The following FBXW4 variants were observed in gnomAD, a reference collection of about 807,000 sequenced individuals.
FBXW4 encodes the protein F-box and WD repeat domain containing 4, also known as F-box/WD repeat-containing protein 4.
In FBXW4, 40 loss-of-function variants were observed where a neutral mutation model predicts 61.8. That is an observed-to-expected ratio of 0.65 (90% CI 0.50 to 0.84). The LOEUF (loss-of-function observed/expected upper bound fraction) is 0.84. Among genes scored for constraint, FBXW4 ranks in the 40% least tolerant of loss-of-function variants. The probability of loss-of-function intolerance (pLI) is 0.00; values close to 1 mark genes in which losing one functional copy is unlikely to be tolerated. For synonymous variants in FBXW4, 311 were observed against 313.8 expected, an observed-to-expected ratio of 0.99 and a Z score of 0.10; for missense variants, 672 against 753.8, an observed-to-expected ratio of 0.89 and a Z score of 1.27.
intron 6 of FBXW4, among the ~76,000 whole-genome samples, chr10:101,618,471 G>A (rs1371669266): frequency 6.6e-6 from 1 of 152,200 alleles, no homozygotes; most frequent in Non-Finnish European, 1.5e-5. Context: ...TAGGGCATCT[G>A]TTAGGATGGG....
chr10:101,650,117 C>T (rs1487576393), intron 5 of FBXW4, among the ~76,000 whole-genome samples: 2 of 152,178 alleles, frequency 1.3e-5, no homozygotes, highest in African/African-American at 4.8e-5. Context: ...TCCCCAAGCT[C>T]CTGGCACAAG....
At chr10:101,612,593 C>T in intron 6 of FBXW4, 116 bp from the exon 7 acceptor site, 1 of 1,208,792 alleles carries the variant, frequency 8.3e-7, no homozygotes, top group Non-Finnish European at 1.1e-6. Context: ...TAGAATGAGA[C>T]TCAAGGAAGG....
intron 5 of FBXW4, among the ~76,000 whole-genome samples, chr10:101,632,388 C>T (rs9651450): frequency 0.25 from 38,322 of 151,954 alleles, 5,113 homozygotes; most frequent in Non-Finnish European, 0.29. Flanking sequence ...AGGGTTTCTG[C>T]GGAGGAGTGC....
intron 6 of FBXW4, among the ~76,000 whole-genome samples, chr10:101,621,468 C>T (rs936059129): frequency 3.9e-5 from 6 of 152,062 alleles, no homozygotes; most frequent in African/African-American, 7.2e-5. Flanking sequence ...TTCAAGGCTG[C>T]GGTGAGCCGT....
intron 1 of FBXW4, among the ~76,000 whole-genome samples, chr10:101,693,537 G>A (rs1481200081): frequency 6.6e-6 from 1 of 152,170 alleles, no homozygotes; most frequent in East Asian, 1.9e-4. Context: ...TTGTCTAGAG[G>A]TGATGGTATT....
intron 1 of FBXW4, among the ~76,000 whole-genome samples, chr10:101,688,791 A>C (rs1253834449): frequency 6.6e-6 from 1 of 152,152 alleles, no homozygotes; most frequent in Non-Finnish European, 1.5e-5. Context: ...CAAAGAAGGG[A>C]GTCTGCCAAT....
chr10:101,667,685 G>A (rs981300317), intron 5 of FBXW4, among the ~76,000 whole-genome samples: 5 of 152,128 alleles, frequency 3.3e-5, no homozygotes, highest in African/African-American at 9.7e-5. Context: ...TAGGAAATTC[G>A]CATTTAGAAG....
intron 3 of FBXW4, among the ~76,000 whole-genome samples, 154 bp from the exon 4 acceptor site, chr10:101,673,201 C>T (rs2064374893): frequency 6.6e-6 from 1 of 152,168 alleles, no homozygotes; most frequent in Non-Finnish European, 1.5e-5. Flanking sequence ...TTCTAGATAC[C>T]TTTACTTCTT....
At chr10:101,660,148 A>G (rs781389783) in intron 5 of FBXW4, 110 of 985,330 alleles carry the variant, frequency 1.1e-4, no homozygotes, top group Admixed American at 6.1e-5. Context: ...CACAGGTCAG[A>G]TAAGAGGAGA....
upstream of FBXW4, chr10:101,695,253 G>A: frequency 1.0e-6 from 1 of 957,624 alleles, no homozygotes; most frequent in Non-Finnish European, 1.2e-6. This position sits in a 1 kb window ranked among gnomAD's most constrained non-coding sequence, Gnocchi z 4.2. Context: ...CAGCCTTGGA[G>A]CCACTTCGGG....
chr10:101,669,806 G>A lies in FBXW4; in HGVS notation c.1141-1826C>T, dbSNP rs188245807. Among the ~76,000 whole-genome samples, 38 of 151,008 alleles carry A rather than the reference G, an allele frequency of 2.5e-4. No individual in the cohort carries two copies. In the East Asian group the frequency reaches 2.5e-3, roughly 10 times the overall value. On this transcript the variant is annotated intron_variant, in intron 4 of 8. Coordinates refer to ENST00000331272, the MANE Select transcript of FBXW4 (RefSeq NM_022039.4). ...GTCTTGCTCTGTTGCCCAGGCTGGA[G>A]TGCAGTGGCGCAATATCAGCTCACT...
rs2063777185 is a variant in FBXW4, at chr10:101,611,074, C to G, written c.*217G>C. ...TCAGCCGCACTCTAAAGCAGCAGGT[C>G]CTGCCTCTCCAACAGGTTCCTGGGA... On this transcript the variant is annotated 3_prime_UTR_variant, in exon 9 of 9. Transcript: ENST00000331272. This position sits in a 1 kb window ranked among gnomAD's most constrained non-coding sequence, Gnocchi z 4.9. The G allele has an allele frequency of 1.9e-6, 1 of 538,352 alleles. No individual in the cohort carries two copies. Among genetic ancestry groups the G allele is most frequent in the East Asian group, 3.5e-5 (1 of 28,612 alleles). 33.3% of individuals were successfully genotyped at this position (538,352 alleles called of 1,614,324 possible). A position where few individuals can be genotyped will look rare whatever the true frequency, so the allele number is the denominator to read the frequency against.
rs535238794 is a variant in FBXW4 at position 101,673,370 on chromosome 10, A to C, written c.1007+118T>G. The C allele has an allele frequency of 4.2e-6, 5 of 1,184,136 alleles. No homozygotes were observed. In the East Asian group the frequency reaches 9.4e-5, roughly 22 times the overall value. 73.4% of individuals were successfully genotyped at this position (1,184,136 alleles called of 1,614,324 possible). On this transcript the variant is annotated intron_variant, in intron 3 of 8. Transcript: ENST00000331272. Reference sequence around the variant, plus strand: ...TAAAATCTCTCTGCTTTAAATGGAAAACCCTTCTGGTCTCCCTCCTCATCC... The same window carrying C: ...TAAAATCTCTCTGCTTTAAATGGAACACCCTTCTGGTCTCCCTCCTCATCC...
chr10:101,694,829 C>T lies in FBXW4; in HGVS notation c.277G>A (p.Glu93Lys). 2.3e-6 allele frequency: 3 copies of T among 1,304,218 alleles called. No individual in the cohort carries two copies. Among genetic ancestry groups the T allele is most frequent in the Non-Finnish European group, 2.9e-6 (3 of 1,030,068 alleles). 80.8% of individuals were successfully genotyped at this position (1,304,218 alleles called of 1,614,324 possible). A position where few individuals can be genotyped will look rare whatever the true frequency, so the allele number is the denominator to read the frequency against. The change falls in exon 1 of 9, where the codon GAA becomes AAA. Residue 93 changes from glutamate to lysine, a missense_variant. Around this residue, in one of 5 missense-constraint regions of FBXW4, gnomAD observed 311 missense variants for 301.1 expected, o/e 1.03. Coordinates refer to ENST00000331272, the MANE Select transcript of FBXW4 (RefSeq NM_022039.4). This position sits in a 1 kb window ranked among gnomAD's most constrained non-coding sequence, Gnocchi z 6.0. ...CCCTTGACGATGCCTCTCGCCCCTT[C>T]CTCCACGCTTCTGCCTCCCTCTGCT... ...EEAEGGRSVE[E>K]GARGIVKGVE...
chr10:101,662,337 G>C (rs1287575662), intron 5 of FBXW4, among the ~76,000 whole-genome samples: 2 of 152,060 alleles, frequency 1.3e-5, no homozygotes, highest in African/African-American at 4.8e-5. Context: ...TCACCTCTGG[G>C]AGAAATGAAG....
intron 5 of FBXW4, among the ~76,000 whole-genome samples, chr10:101,658,901 ATCT>A (rs1364498990): frequency 2.0e-5 from 3 of 152,022 alleles, no homozygotes; most frequent in African/African-American, 2.4e-5. Context: ...AGGTGGGGAA[ATCT>A]TCTTAAATAT....
chr10:101,624,271 A>T (rs2063890366), intron 6 of FBXW4, among the ~76,000 whole-genome samples: 2 of 99,688 alleles, frequency 2.0e-5, no homozygotes, highest in Non-Finnish European at 2.6e-5. Flanking sequence ...TTAGAAAGTT[A>T]AAAAAAAAAA....
At chr10:101,648,458 C>T (rs538511704) in intron 5 of FBXW4, among the ~76,000 whole-genome samples, 7 of 152,326 alleles carry the variant, frequency 4.6e-5, no homozygotes, top group African/African-American at 1.7e-4. Context: ...AGCAAGCACC[C>T]TGGATCAGAG....
intron 1 of FBXW4, chr10:101,676,711 GAAAAAAAA>G (rs56232127): frequency 1.3e-3 from 87 of 64,796 alleles, no homozygotes; most frequent in African/African-American, 5.0e-3. Context: ...TCCAGATTGG[GAAAAAAAA>G]AAAAAAAAAA....
Sources: gnomAD v4.1 joint callset for allele counts (sites outside exome capture counted in the v4.1 genomes callset) on GRCh38, gnomAD v4.1.1 for gene constraint, gnomAD v4.1.1 regional missense constraint, Gnocchi (gnomAD v3.1) non-coding constraint, MANE v1.5 for transcripts, NCBI Gene and HGNC (gene_info 2026-07-23, HGNC 2026-07-21) for gene names.